FARP2: variants seen among roughly 807,000 people sequenced by gnomAD.
FARP2 encodes FERM, ARHGEF and pleckstrin domain-containing protein 2.
A neutral mutation model predicts 130.5 loss-of-function variants in FARP2; 111 were observed. The observed-to-expected ratio is 0.85, with a 90% CI of 0.73 to 1.00. FARP2 has a LOEUF of 1.00. Among genes scored for constraint, FARP2 ranks in the 50% least tolerant of loss-of-function variants. FARP2 has a pLI of 0.00. For missense variants in FARP2, 1,385 were observed against 1,346.3 expected (o/e 1.03, Z -0.45); for synonymous variants, 504 against 516.9 (o/e 0.98, Z 0.34).
At chr2:241,427,190 G>A (rs149246537) in intron 8 of FARP2, among the ~76,000 whole-genome samples, 17 of 152,170 alleles carry the variant, frequency 1.1e-4, no homozygotes, top group Non-Finnish European at 2.4e-4. Context: ...AGCCAAGATC[G>A]CACCATTGCA....
chr2:241,466,816 A>C (rs2064185727), intron 17 of FARP2, among the ~76,000 whole-genome samples: 1 of 152,048 alleles, frequency 6.6e-6, no homozygotes, highest in African/African-American at 2.4e-5. Flanking sequence ...TAACCCCTAA[A>C]TATGTAAATA....
intron 13 of FARP2, chr2:241,456,502 G>A (rs531433155): frequency 6.5e-6 from 3 of 459,990 alleles, no homozygotes; most frequent in African/African-American, 4.1e-5. Context: ...CTAGAGTCCG[G>A]GGAGGATCCA....
chr2:241,480,310 C>T (rs1253060060), intron 19 of FARP2, among the ~76,000 whole-genome samples: 1 of 152,218 alleles, frequency 6.6e-6, no homozygotes, highest in African/African-American at 2.4e-5. Context: ...CTTACCACCT[C>T]CTCTTTGTAA....
chr2:241,418,165 C>T (rs1340787752), intron 8 of FARP2, 56 bp downstream of exon 8: 6 of 1,589,782 alleles, frequency 3.8e-6, no homozygotes, highest in Non-Finnish European at 5.2e-6. Context: ...TTTCTGCAAC[C>T]TGGTGGGGTT....
intron 22 of FARP2, 39 bp from the exon 23 acceptor site, chr2:241,491,018 CAAGG>C (rs2064880678): frequency 6.7e-7 from 1 of 1,484,266 alleles, no homozygotes; most frequent in Non-Finnish European, 9.4e-7. Flanking sequence ...GGGCCCTACA[CAAGG>C]AAGAGCAGAG....
intron 11 of FARP2, among the ~76,000 whole-genome samples, chr2:241,435,833 T>C (rs537023434): frequency 6.6e-6 from 1 of 150,470 alleles, no homozygotes; most frequent in East Asian, 2.0e-4. Context: ...ATATAGACAT[T>C]GTATACACAT....
At chr2:241,484,206 G>C (rs2064697160) in intron 20 of FARP2, 36 bp from the exon 21 acceptor site, 1 of 1,613,298 alleles carries the variant, frequency 6.2e-7, no homozygotes, top group African/African-American at 1.3e-5. Flanking sequence ...ACACTTGTTT[G>C]TGAAGTTCAT....
rs375068294 is a variant in FARP2 at position 241,475,889 on chromosome 2, A to G, written c.2164A>G (p.Thr722Ala). 33 of 1,613,738 alleles carry G rather than the reference A, an allele frequency of 2.0e-5. No individual in the cohort carries two copies. The highest frequency in any genetic ancestry group is 2.7e-5 in the Non-Finnish European group (32 of 1,179,898). ...ALKAITEVTT[T>A]LQHILIRLEN... ...GAAAGCCATCACAGAGGTGACCACC[A>G]CACTACAGCACATTCTCATCCGGCT... is the stretch of plus-strand genomic sequence containing the variant. The change falls in exon 19 of 27, where the codon ACA becomes GCA. Residue 722 changes from threonine (T) to alanine (A), a missense_variant. Transcript: ENST00000264042. This position sits in a 1 kb window ranked among gnomAD's most constrained non-coding sequence, Gnocchi z 4.4.
At chr2:241,483,675 G>T in intron 20 of FARP2, 142 bp downstream of exon 20, 2 of 1,250,538 alleles carry the variant, frequency 1.6e-6, no homozygotes, top group Non-Finnish European at 2.2e-6. Flanking sequence ...GGGTAGCGTT[G>T]GAGTCAGACA....
chr2:241,438,933 C>T (rs75105189), intron 12 of FARP2, among the ~76,000 whole-genome samples: 2,178 of 151,756 alleles, frequency 0.014, 113 homozygotes, highest in Admixed American at 0.092. Flanking sequence ...CCGGCCAACT[C>T]TTTTAGATAT....
intron 13 of FARP2, among the ~76,000 whole-genome samples, chr2:241,449,931 C>T (rs1014756691): frequency 2.0e-5 from 3 of 151,022 alleles, no homozygotes; most frequent in African/African-American, 7.3e-5. Context: ...CACTTGAACC[C>T]GGGAGGCAGA....
At chr2:241,383,089 G>C (rs1279868323) in intron 2 of FARP2, among the ~76,000 whole-genome samples, 3 of 152,336 alleles carry the variant, frequency 2.0e-5, no homozygotes, top group East Asian at 3.9e-4. Context: ...ATGTGGGTTT[G>C]GGCTGTGCTC....
intron 2 of FARP2, among the ~76,000 whole-genome samples, chr2:241,387,790 C>CAAAAAA (rs200728771): frequency 3.2e-5 from 3 of 93,906 alleles, no homozygotes; most frequent in Admixed American, 1.1e-4. Flanking sequence ...GAGACTGTCT[C>CAAAAAA]AAAAAAAAAA....
At chr2:241,483,868 G>A in intron 20 of FARP2, 1 of 985,466 alleles carries the variant, frequency 1.0e-6, no homozygotes. Flanking sequence ...CCAATGGCCA[G>A]TCGGGACAGT....
chr2:241,369,213 T>C (rs2061375695), intron 1 of FARP2, among the ~76,000 whole-genome samples: 1 of 136,770 alleles, frequency 7.3e-6, no homozygotes. Context: ...GAAAAGTGTT[T>C]TTTATTTGTC....
Position 241,441,546 on chromosome 2 carries a change from G to C in FARP2, c.1401G>C (p.Gln467His), listed in dbSNP as rs746133419. The C allele has an allele frequency of 3.1e-5, 50 of 1,613,924 alleles. No homozygotes were observed. Among genetic ancestry groups the C allele is most frequent in the Non-Finnish European group, 3.7e-5 (44 of 1,180,062 alleles). The change falls in exon 13 of 27, where the codon CAG (glutamine) becomes CAC (histidine). Residue 467 changes from glutamine to histidine, a missense_variant. By Grantham distance (24) the Gln-to-His change is conservative. Coordinates refer to ENST00000264042, the MANE Select transcript of FARP2 (RefSeq NM_014808.4). ...SAQPLGPPAL[Q>H]PGPGLSTKSP... ...AGCCCCTCGGGCCCCCCGCACTCCA[G>C]CCTGGTCCAGGTGTCGGGTTTTGTC...
At chr2:241,397,831 CTTTTT>C (rs397868255) in intron 2 of FARP2, among the ~76,000 whole-genome samples, 1 of 122,650 alleles carries the variant, frequency 8.2e-6, no homozygotes, top group Non-Finnish European at 1.7e-5. Context: ...ACCTTTTTTC[CTTTTT>C]TTTTTTTTTT....
rs1205313805 is a variant in FARP2 at position 241,413,323 on chromosome 2, C to T, written c.525C>T (p.Tyr175=). The T allele has an allele frequency of 4.4e-6, 7 of 1,607,600 alleles. No homozygotes were observed. Among genetic ancestry groups the T allele is most frequent in the African/African-American group, 4.0e-5 (3 of 74,824 alleles). The change falls in exon 7 of 27, where the codon TAC becomes TAT. Residue 175 remains tyrosine, a synonymous_variant. Transcript: ENST00000264042. ...CTATCTCAGCGGAAATAGGAGATTA[C>T]GATGAAACGCTGGACCGAGAGCACC... The part of the protein sequence containing the change: ...SHLLQSEIGD[Y]DETLDREHLK...
In FARP2 at chr2:241,482,901, G is replaced by GTTTCTTATCTA. The variant is rs1444069408; in HGVS notation, c.2263-564_2263-563insTTTCTTATCTA. On this transcript the variant is annotated intron_variant, in intron 19 of 26. Transcript: ENST00000264042. The surrounding 1 kb of genome is among the most constrained non-coding windows in gnomAD (Gnocchi z 4.6). ...TTTTCTTATCTAACGCCCTGTGGTG[G>GTTTCTTATCTA]ACGAGGTGGTGCTAATTTGAATACT... Among the ~76,000 whole-genome samples, 1 of 152,100 alleles carries GTTTCTTATCTA rather than the reference G, an allele frequency of 6.6e-6. No individual in the cohort carries two copies. The highest frequency in any genetic ancestry group is 1.5e-5 in the Non-Finnish European group (1 of 68,014).
Sources: allele counts gnomAD v4.1 joint callset (sites outside exome capture counted in the v4.1 genomes callset), GRCh38; gene constraint gnomAD v4.1.1; non-coding constraint Gnocchi (gnomAD v3.1); transcripts MANE v1.5; gene names NCBI Gene and HGNC (gene_info 2026-07-23, HGNC 2026-07-21).